Variants in POU3F3 observed in about 807,000 individuals in gnomAD.
POU3F3 encodes POU domain, class 3, transcription factor 3.
In POU3F3, 1 loss-of-function variant was observed where a neutral mutation model predicts 8.6. That is an observed-to-expected ratio of 0.12 (90% CI 0.04 to 0.55). POU3F3 has a LOEUF of 0.55. Among genes scored for constraint, POU3F3 ranks in the 20% least tolerant of loss-of-function variants. The pLI is 0.91. For missense variants in POU3F3, 577 were observed against 690.7 expected (o/e 0.84, Z 1.84); for synonymous variants, 418 against 327.4 (o/e 1.28, Z -2.99).
chr2:104,863,428 G>A (rs2104345977), downstream of POU3F3, among the ~76,000 whole-genome samples: 2 of 152,174 alleles, frequency 1.3e-5, no homozygotes, highest in South Asian at 4.1e-4. Flanking sequence ...GGAAGGAAAG[G>A]TAGAAATGCC....
downstream of POU3F3, among the ~76,000 whole-genome samples, chr2:104,862,214 G>C (rs1676667587): frequency 6.6e-6 from 1 of 152,186 alleles, no homozygotes; most frequent in Admixed American, 6.5e-5. Context: ...GCCTTCTGGC[G>C]GGCTGTGCGC....
the POU3F3 span, among the ~76,000 whole-genome samples, chr2:104,923,633 G>T: frequency 6.6e-6 from 1 of 152,086 alleles, no homozygotes; most frequent in African/African-American, 2.4e-5. Context: ...AAAGCTATAA[G>T]GCATATAGAA....
downstream of POU3F3, among the ~76,000 whole-genome samples, chr2:104,860,822 T>A (rs1314044995): frequency 6.8e-6 from 1 of 146,732 alleles, no homozygotes; most frequent in East Asian, 2.1e-4. Context: ...CGAAGAGAAC[T>A]GTTCGTTATT....
At chr2:104,865,013 T>C in the POU3F3 span, among the ~76,000 whole-genome samples, 1 of 152,192 alleles carries the variant, frequency 6.6e-6, no homozygotes, top group South Asian at 2.1e-4. Flanking sequence ...CTACCAAAAT[T>C]GTATCTGTAA....
At chr2:104,879,001 TACAC>T in the POU3F3 span, among the ~76,000 whole-genome samples, 1 of 149,644 alleles carries the variant, frequency 6.7e-6, no homozygotes, top group African/African-American at 2.5e-5. Context: ...ACACACAACA[TACAC>T]AACACAAAAC....
chr2:104,919,930 A>G, the POU3F3 span, among the ~76,000 whole-genome samples: 2 of 152,128 alleles, frequency 1.3e-5, no homozygotes, highest in Non-Finnish European at 2.9e-5. Context: ...TCACAAACTT[A>G]TCTCTTCCTA....
In POU3F3 at chr2:104,855,783, G is replaced by C. The variant is rs993239973; in HGVS notation, c.273G>C (p.Leu91=). The C allele has an allele frequency of 7.6e-7, 1 of 1,318,356 alleles. No homozygotes were observed. Among genetic ancestry groups the C allele is most frequent in the African/African-American group, 1.6e-5 (1 of 63,514 alleles). 81.7% of individuals were successfully genotyped at this position (1,318,356 alleles called of 1,614,324 possible). The change falls in exon 1 of 1, where the codon CTG becomes CTC. Residue 91 remains leucine, a synonymous_variant. Coordinates refer to ENST00000361360, the MANE Select transcript of POU3F3 (RefSeq NM_006236.3). ...AMAASNGGHM[L]SHAHQWVTAL... is the part of the protein sequence containing the mutation. ...CCGCCAGCAACGGCGGCCATATGCT[G>C]AGCCACGCGCACCAGTGGGTCACAG... is the stretch of plus-strand genomic sequence containing the variant.
At chr2:104,874,188 T>G in the POU3F3 span, among the ~76,000 whole-genome samples, 50 of 152,270 alleles carry the variant, frequency 3.3e-4, no homozygotes, top group Middle Eastern at 3.4e-3. Flanking sequence ...GAAGGGGTAG[T>G]GTCCTGAAGA....
Position 104,855,626 on chromosome 2 carries a change from GC to G in POU3F3, c.117del (p.Gly40AlafsTer19). ...AGGGGGGGGG[G>X]GGGGAGGGGG... ...GGCGGCGGGGGTGGCGGCGGCGGCG[GC>G]GGCGGGGGCGGCGCAGGGGGCGGGG... On this transcript the variant is annotated frameshift_variant, in exon 1 of 1. Transcript: ENST00000361360. LOFTEE classifies it low-confidence loss of function (END_TRUNC). 3.1e-6 allele frequency: 3 copies of G among 971,038 alleles called. No homozygotes were observed. The highest frequency in any genetic ancestry group is 3.7e-6 in the Non-Finnish European group (3 of 821,444). The allele number at this position is 971,038 out of a possible 1,614,324, so 60.2% of individuals were successfully genotyped here. A position where few individuals can be genotyped will look rare whatever the true frequency, so the allele number is the denominator to read the frequency against.
the POU3F3 span, among the ~76,000 whole-genome samples, chr2:104,914,263 G>A: frequency 6.6e-6 from 1 of 152,186 alleles, no homozygotes; most frequent in Non-Finnish European, 1.5e-5. Context: ...CTTATAAATG[G>A]TGTTAATCCA....
At chr2:104,859,930 G>A (rs1676635368), downstream of POU3F3, among the ~76,000 whole-genome samples, 2 of 152,178 alleles carry the variant, frequency 1.3e-5, no homozygotes, top group Admixed American at 1.3e-4. Flanking sequence ...GGTGTCTAGA[G>A]AGGCAAGCAA....
At chr2:104,921,239 C>T in the POU3F3 span, among the ~76,000 whole-genome samples, 1 of 152,088 alleles carries the variant, frequency 6.6e-6, no homozygotes, top group Non-Finnish European at 1.5e-5. Context: ...AGCCAGCGTC[C>T]AAACTGGATG....
the POU3F3 span, among the ~76,000 whole-genome samples, chr2:104,895,448 G>A: frequency 2.2e-4 from 34 of 152,158 alleles, no homozygotes; most frequent in South Asian, 2.9e-3. Flanking sequence ...GAAGCTTTCC[G>A]AAAAGTACAC....
At chr2:104,898,237 G>T in the POU3F3 span, among the ~76,000 whole-genome samples, 3 of 152,190 alleles carry the variant, frequency 2.0e-5, no homozygotes, top group Non-Finnish European at 4.4e-5. Flanking sequence ...TCCCAGCCAT[G>T]CTGGTCCTCT....
At chr2:104,915,723 G>A in the POU3F3 span, among the ~76,000 whole-genome samples, 1 of 151,758 alleles carries the variant, frequency 6.6e-6, no homozygotes, top group Non-Finnish European at 1.5e-5. Context: ...TTTCACCAAT[G>A]AGAGGTTGTT....
chr2:104,865,077 C>G, the POU3F3 span, among the ~76,000 whole-genome samples: 1 of 152,228 alleles, frequency 6.6e-6, no homozygotes, highest in African/African-American at 2.4e-5. Flanking sequence ...TCCCCACCGG[C>G]CTGCCTCCTT....
At chr2:104,885,940 G>A in the POU3F3 span, among the ~76,000 whole-genome samples, 1 of 152,108 alleles carries the variant, frequency 6.6e-6, no homozygotes, top group South Asian at 2.1e-4. Context: ...GGGATTACAG[G>A]TGCCTGCAAT....
At chr2:104,893,749 G>A in the POU3F3 span, among the ~76,000 whole-genome samples, 1 of 152,214 alleles carries the variant, frequency 6.6e-6, no homozygotes, top group Middle Eastern at 3.4e-3. Flanking sequence ...CGGGCATGGT[G>A]GCAGGTGCCT....
At chr2:104,911,669 C>G in the POU3F3 span, among the ~76,000 whole-genome samples, 4 of 151,856 alleles carry the variant, frequency 2.6e-5, no homozygotes, top group African/African-American at 9.7e-5. Flanking sequence ...TGAATTTATC[C>G]ATGAGTGTTA....
Sources: allele counts gnomAD v4.1 joint callset (sites outside exome capture counted in the v4.1 genomes callset), GRCh38; gene constraint gnomAD v4.1.1; transcripts MANE v1.5; gene names NCBI Gene and HGNC (gene_info 2026-07-23, HGNC 2026-07-21).